GLI2: variants seen among roughly 807,000 people sequenced by gnomAD.
The protein encoded by GLI2 is transcription activator GLI2.
A neutral mutation model predicts 78.9 loss-of-function variants in GLI2; 22 were observed. The observed-to-expected ratio is 0.28, with a 90% CI of 0.20 to 0.40. The LOEUF (loss-of-function observed/expected upper bound fraction) is 0.40. Among genes scored for constraint, GLI2 ranks in the 10% least tolerant of loss-of-function variants. The pLI, the probability that GLI2 is intolerant of heterozygous loss-of-function variation, is 1.00. For missense variants in GLI2, 2,097 were observed against 2,213.2 expected (o/e 0.95, Z 1.05); for synonymous variants, 974 against 963.7 (o/e 1.01, Z -0.20).
At chr2:120,958,626 G>A (rs778224484) in intron 5 of GLI2, among the ~76,000 whole-genome samples, 2 of 152,022 alleles carry the variant, frequency 1.3e-5, no homozygotes, top group African/African-American at 2.4e-5. Context: ...TAGAACCCCC[G>A]TCCAGAGGCC....
chr2:120,816,607 A>G (rs1481166582), intron 2 of GLI2, among the ~76,000 whole-genome samples: 3 of 152,036 alleles, frequency 2.0e-5, no homozygotes, highest in African/African-American at 7.2e-5. Context: ...GAAAATAACA[A>G]TGATACAACT....
intron 2 of GLI2, among the ~76,000 whole-genome samples, chr2:120,911,223 G>A (rs1678800456): frequency 1.3e-5 from 2 of 152,260 alleles, no homozygotes; most frequent in Admixed American, 6.5e-5. Context: ...CTGTGACACA[G>A]ATTAGCCATT....
chr2:120,922,729 A>T (rs1343960900), intron 2 of GLI2, among the ~76,000 whole-genome samples: 2 of 152,132 alleles, frequency 1.3e-5, no homozygotes, highest in Non-Finnish European at 2.9e-5. Context: ...CCAGGACAGG[A>T]GGACCCACTA....
rs115285099 is a variant in GLI2, at chr2:120,788,928, G to A, written c.-30-8363G>A. 6.5e-3 allele frequency among the ~76,000 whole-genome samples: 992 copies of A among 152,170 alleles called. 19 individuals are homozygous for A. The highest frequency in any genetic ancestry group is 0.023 in the African/African-American group (936 of 41,508). On this transcript the variant is annotated intron_variant, in intron 1 of 13. Transcript: ENST00000361492. ...GAAGCGTGTCAGACACCCAGGGGCT[G>A]GAGGCCTTCCTAAACTTCAGTCTCC...
intron 2 of GLI2, among the ~76,000 whole-genome samples, chr2:120,903,672 A>C (rs1034014248): frequency 6.6e-6 from 1 of 152,202 alleles, no homozygotes; most frequent in Non-Finnish European, 1.5e-5. Flanking sequence ...GGTACTGTGC[A>C]AGGTGGGTGA....
chr2:120,886,197 T>C (rs57569419), intron 2 of GLI2, among the ~76,000 whole-genome samples: 5 of 40,666 alleles, frequency 1.2e-4, no homozygotes, highest in African/African-American at 1.3e-4. Context: ...TGTGTGTGTG[T>C]GTGTGTGTGT....
chr2:120,813,316 C>A (rs1685345277), intron 2 of GLI2, among the ~76,000 whole-genome samples: 2 of 152,218 alleles, frequency 1.3e-5, no homozygotes. Flanking sequence ...AAGGCAAGAA[C>A]CCCCTTTGAA....
intron 2 of GLI2, among the ~76,000 whole-genome samples, chr2:120,823,677 G>A (rs182947771): frequency 1.3e-5 from 2 of 152,314 alleles, no homozygotes; most frequent in East Asian, 3.9e-4. Context: ...TCTCTTATGG[G>A]AAGATCTCCC....
At chr2:120,908,625 C>G (rs957645329) in intron 2 of GLI2, among the ~76,000 whole-genome samples, 1 of 152,172 alleles carries the variant, frequency 6.6e-6, no homozygotes, top group African/African-American at 2.4e-5. Context: ...CCCCTGCCCC[C>G]CAACAGACCT....
chr2:120,881,255 A>G (rs2104710501), intron 2 of GLI2, among the ~76,000 whole-genome samples: 1 of 152,336 alleles, frequency 6.6e-6, no homozygotes, highest in South Asian at 2.1e-4. Flanking sequence ...CCATGCCTAG[A>G]AGCACTGAGG....
intron 2 of GLI2, among the ~76,000 whole-genome samples, chr2:120,878,391 G>A (rs538382712): frequency 1.3e-4 from 20 of 152,334 alleles, no homozygotes; most frequent in Admixed American, 2.6e-4. Context: ...AATCATGGTT[G>A]CAGTAAAGTC....
chr2:120,919,869 G>A (rs866199135), intron 2 of GLI2, among the ~76,000 whole-genome samples: 1 of 152,284 alleles, frequency 6.6e-6, no homozygotes, highest in African/African-American at 2.4e-5. Flanking sequence ...AGAAGGATGG[G>A]GATCCAGGCC....
chr2:120,815,497 C>CGTG (rs954348420), intron 2 of GLI2, among the ~76,000 whole-genome samples: 1 of 152,194 alleles, frequency 6.6e-6, no homozygotes, highest in African/African-American at 2.4e-5. Flanking sequence ...ACTGTGCTGC[C>CGTG]GTGTGTGTGG....
At chr2:120,892,604 G>A (rs1169425964) in intron 2 of GLI2, among the ~76,000 whole-genome samples, 1 of 152,196 alleles carries the variant, frequency 6.6e-6, no homozygotes, top group Non-Finnish European at 1.5e-5. Flanking sequence ...GTGCCTGAGG[G>A]GCTTTTTCTT....
intron 11 of GLI2, among the ~76,000 whole-genome samples, chr2:120,983,946 GGT>G (rs5833859): frequency 0.54 from 76,943 of 142,998 alleles, 21,750 homozygotes; most frequent in Non-Finnish European, 0.65. Context: ...TGGTGTGTGG[GGT>G]GTGTGTGTGT....
chr2:120,768,928 T>C (rs1021878520), intron 1 of GLI2, among the ~76,000 whole-genome samples: 6 of 152,042 alleles, frequency 3.9e-5, no homozygotes, highest in Non-Finnish European at 7.4e-5. Context: ...GTTTGACAGA[T>C]TGGTGGTGAA....
chr2:120,954,801 G>A (rs1453047114), intron 4 of GLI2, among the ~76,000 whole-genome samples: 4 of 152,250 alleles, frequency 2.6e-5, no homozygotes, highest in East Asian at 1.9e-4. Context: ...CAGGCCTGGC[G>A]CCCCGGCAGC....
chr2:120,904,509 G>A (rs988722696), intron 2 of GLI2, among the ~76,000 whole-genome samples: 1 of 152,170 alleles, frequency 6.6e-6, no homozygotes, highest in African/African-American at 2.4e-5. Flanking sequence ...GGCACCTCCT[G>A]GGTGCAGGAC....
chr2:120,961,200 G>C (rs915180215), intron 5 of GLI2, among the ~76,000 whole-genome samples: 1 of 152,108 alleles, frequency 6.6e-6, no homozygotes, highest in Non-Finnish European at 1.5e-5. Context: ...TTGTCATATT[G>C]ACACTAATTT....
Sources: allele counts gnomAD v4.1 joint callset (sites outside exome capture counted in the v4.1 genomes callset), GRCh38; gene constraint gnomAD v4.1.1; transcripts MANE v1.5; gene names NCBI Gene and HGNC (gene_info 2026-07-23, HGNC 2026-07-21).